The following SLIT2 variants were observed in gnomAD, a reference collection of about 807,000 sequenced individuals.
The protein encoded by SLIT2 is slit homolog 2 protein.
A neutral mutation model predicts 185.7 loss-of-function variants in SLIT2; 41 were observed. The ratio of observed to expected loss-of-function variants is 0.22; its 90% CI spans 0.17 to 0.29. SLIT2 has a LOEUF of 0.29. Among genes scored for constraint, SLIT2 ranks in the 10% least tolerant of loss-of-function variants. The pLI is 1.00. For missense variants in SLIT2, 1,571 were observed against 1,909.0 expected, an observed-to-expected ratio of 0.82 and a Z score of 3.30; for synonymous variants, 693 against 680.2, an observed-to-expected ratio of 1.02 and a Z score of -0.29.
intron 4 of SLIT2, among the ~76,000 whole-genome samples, chr4:20,289,018 A>G (rs1350846593): frequency 6.6e-6 from 1 of 152,000 alleles, no homozygotes; most frequent in East Asian, 1.9e-4. Context: ...AAACTAGTTG[A>G]GATACGTCTC....
At chr4:20,511,001 C>A in intron 10 of SLIT2, 65 bp from the exon 11 acceptor site, 2 of 1,034,838 alleles carry the variant, frequency 1.9e-6, no homozygotes, top group Non-Finnish European at 3.0e-6. Flanking sequence ...CCATACATAG[C>A]TTTTTCCGCA....
chr4:20,390,020 G>A (rs564549190), intron 4 of SLIT2, among the ~76,000 whole-genome samples: 2 of 152,114 alleles, frequency 1.3e-5, no homozygotes, highest in East Asian at 3.9e-4. Flanking sequence ...GATAAATGAG[G>A]TTTTGCTCTA....
intron 11 of SLIT2, among the ~76,000 whole-genome samples, chr4:20,517,409 T>C (rs1720307834): frequency 6.6e-6 from 1 of 152,140 alleles, no homozygotes; most frequent in Non-Finnish European, 1.5e-5. Flanking sequence ...GGTGCCATCT[T>C]AATCTACTCA....
intron 6 of SLIT2, among the ~76,000 whole-genome samples, chr4:20,482,420 T>C (rs1195836740): frequency 6.6e-6 from 1 of 152,016 alleles, no homozygotes; most frequent in Non-Finnish European, 1.5e-5. Context: ...GTGAACACTA[T>C]GCTAGGCACT....
chr4:20,412,108 G>A (rs78996167), intron 4 of SLIT2, among the ~76,000 whole-genome samples: 4,031 of 151,798 alleles, frequency 0.027, 95 homozygotes, highest in South Asian at 0.081. Context: ...TTTGTGCCAT[G>A]GCCAAATGCA....
chr4:20,597,937 T>C (rs2148961167), intron 32 of SLIT2, among the ~76,000 whole-genome samples: 1 of 152,368 alleles, frequency 6.6e-6, no homozygotes, highest in African/African-American at 2.4e-5. Context: ...TGTAGTCATT[T>C]TTCACAGATG....
chr4:20,483,738 A>C (rs959063895), intron 6 of SLIT2, among the ~76,000 whole-genome samples: 1 of 152,030 alleles, frequency 6.6e-6, no homozygotes, highest in Admixed American at 6.6e-5. Flanking sequence ...TGTCTTTTGT[A>C]TTAGAATACT....
chr4:20,467,675 C>A, intron 4 of SLIT2, 77 bp from the exon 5 acceptor site: 1 of 894,476 alleles, frequency 1.1e-6, no homozygotes, highest in Non-Finnish European at 1.7e-6. Flanking sequence ...TGTCCTATAA[C>A]TTCTCAAACA....
intron 4 of SLIT2, among the ~76,000 whole-genome samples, chr4:20,422,777 G>A (rs569708017): frequency 1.6e-4 from 25 of 152,176 alleles, no homozygotes; most frequent in African/African-American, 6.0e-4. Flanking sequence ...TTTTTGAGCA[G>A]CAGAAAGGAG....
chr4:20,489,005 G>A, intron 8 of SLIT2, 23 bp downstream of exon 8: 1 of 1,588,300 alleles, frequency 6.3e-7, no homozygotes, highest in Non-Finnish European at 8.6e-7. Context: ...GAAGAGTGAT[G>A]TTATTGTGTT....
intron 4 of SLIT2, among the ~76,000 whole-genome samples, chr4:20,326,769 T>TTTA (rs1553880174): frequency 6.7e-6 from 1 of 148,722 alleles, no homozygotes; most frequent in African/African-American, 2.5e-5. Flanking sequence ...TTTTTTTTTT[T>TTTA]AAGTACATGA....
rs556267360 is a variant in SLIT2, at chr4:20,252,104, T to G, written c.-1712T>G. Among the ~76,000 whole-genome samples the G allele has an allele frequency of 6.7e-6, 1 of 150,074 alleles. No homozygotes were observed. On this transcript the variant is annotated 5_prime_UTR_variant, in exon 1 of 37. Transcript: ENST00000504154. ...CCGCGCTTTCTGGGCACGGCGGGAGTGCTGAGCAGAAAGGGGAGCGCCGGG... is the reference window on the plus strand; with the variant it reads ...CCGCGCTTTCTGGGCACGGCGGGAGGGCTGAGCAGAAAGGGGAGCGCCGGG...
intron 4 of SLIT2, among the ~76,000 whole-genome samples, chr4:20,466,977 G>A (rs1714425838): frequency 6.6e-6 from 1 of 152,028 alleles, no homozygotes; most frequent in African/African-American, 2.4e-5. Context: ...AATACTATGT[G>A]AGCTCATAGA....
chr4:20,269,902 C>T (rs547426880), intron 4 of SLIT2, among the ~76,000 whole-genome samples: 1 of 151,954 alleles, frequency 6.6e-6, no homozygotes, highest in African/African-American at 2.4e-5. Context: ...CTCCTGAAAC[C>T]TTAACAACCT....
chr4:20,316,490 A>G (rs1718601980), intron 4 of SLIT2, among the ~76,000 whole-genome samples: 1 of 152,002 alleles, frequency 6.6e-6, no homozygotes, highest in East Asian at 1.9e-4. Flanking sequence ...GGATCCCAGT[A>G]TATTTGGTCT....
rs540349382 is a variant in SLIT2, at chr4:20,389,533, GT to G, written c.396-78208del. 6.6e-4 allele frequency among the ~76,000 whole-genome samples: 79 copies of G among 120,174 alleles called. No individual in the cohort carries two copies. In the Middle Eastern group the frequency reaches 0.012, roughly 18 times the overall value. 78.8% of individuals were successfully genotyped at this position (120,174 alleles called of 152,430 possible). ...AGAGTGAGAAATTAAGTTGTTATGT[GT>G]TTTTTTTTTTAACCACCGAGATTTT... On this transcript the variant is annotated intron_variant, in intron 4 of 36. Coordinates refer to ENST00000504154, the MANE Select transcript of SLIT2 (RefSeq NM_004787.4).
chr4:20,269,342 G>A (rs1713364116), intron 4 of SLIT2, among the ~76,000 whole-genome samples: 1 of 151,840 alleles, frequency 6.6e-6, no homozygotes, highest in Admixed American at 6.6e-5. Flanking sequence ...AAAGAGGGCT[G>A]TAAATTTCCT....
intron 7 of SLIT2, among the ~76,000 whole-genome samples, chr4:20,488,228 G>A (rs762335719): frequency 6.6e-6 from 1 of 152,110 alleles, no homozygotes; most frequent in Non-Finnish European, 1.5e-5. Flanking sequence ...TTGAGGCTAG[G>A]TCTCCAGGAG....
At chr4:20,483,791 A>G (rs1245037142) in intron 6 of SLIT2, among the ~76,000 whole-genome samples, 2 of 152,152 alleles carry the variant, frequency 1.3e-5, no homozygotes, top group African/African-American at 4.8e-5. Flanking sequence ...AAATAGACTT[A>G]CACATGGGAG....
Sources: allele counts gnomAD v4.1 joint callset (sites outside exome capture counted in the v4.1 genomes callset), GRCh38; gene constraint gnomAD v4.1.1; transcripts MANE v1.5; gene names NCBI Gene and HGNC (gene_info 2026-07-23, HGNC 2026-07-21).